SLC17A6: variants seen among roughly 807,000 people sequenced by gnomAD.
SLC17A6 encodes the protein vesicular glutamate transporter 2.
A neutral mutation model predicts 67.1 loss-of-function variants in SLC17A6; 35 were observed. The observed-to-expected ratio is 0.52, with a 90% confidence interval of 0.40 to 0.69. SLC17A6 has a LOEUF of 0.69. Among genes scored for constraint, SLC17A6 ranks in the 30% least tolerant of loss-of-function variants. The pLI, the probability that SLC17A6 is intolerant of heterozygous loss-of-function variation, is 0.00. For synonymous variants in SLC17A6, 285 were observed against 252.3 expected, an observed-to-expected ratio of 1.13 and a Z score of -1.23; for missense variants, 588 against 723.9, an observed-to-expected ratio of 0.81 and a Z score of 2.15.
In SLC17A6 at chr11:22,343,375, C is replaced by A. The variant is rs764176090; in HGVS notation, c.458+10C>A. The stretch of plus-strand genomic sequence containing the variant: ...GGCTGGCAGCCAACAGGTAATGCGC[C>A]AGGCGGGACTGGGGCTCGGGGCGTG... On this transcript the variant is annotated intron_variant, in intron 3 of 11. Transcript: ENST00000263160. 1.4e-5 allele frequency: 23 copies of A among 1,601,490 alleles called. No homozygotes were observed. In the East Asian group the frequency reaches 4.9e-4, roughly 34 times the overall value.
intron 3 of SLC17A6, among the ~76,000 whole-genome samples, chr11:22,356,311 G>T (rs2094961662): frequency 6.6e-6 from 1 of 152,104 alleles, no homozygotes; most frequent in South Asian, 2.1e-4. Context: ...GAATGGGGAG[G>T]CTGCTTCAAT....
At chr11:22,372,333 T>C (rs1335423510) in intron 8 of SLC17A6, among the ~76,000 whole-genome samples, 1 of 150,808 alleles carries the variant, frequency 6.6e-6, no homozygotes, top group African/African-American at 2.4e-5. Context: ...ACAATATATA[T>C]CAGGTAAATA....
intron 1 of SLC17A6, among the ~76,000 whole-genome samples, chr11:22,339,205 G>GTT (rs1855783562): frequency 7.6e-6 from 1 of 130,862 alleles, no homozygotes; most frequent in Non-Finnish European, 1.6e-5. Context: ...ATATATATAT[G>GTT]TTAGAGAGAG....
At chr11:22,339,528 G>T (rs1398133336) in intron 1 of SLC17A6, among the ~76,000 whole-genome samples, 1 of 151,918 alleles carries the variant, frequency 6.6e-6, no homozygotes, top group Non-Finnish European at 1.5e-5. Flanking sequence ...GCTGTAATTT[G>T]CAAAACTTTA....
intron 6 of SLC17A6, 116 bp from the exon 7 acceptor site, chr11:22,365,429 CAT>C: frequency 8.3e-7 from 1 of 1,204,618 alleles, no homozygotes; most frequent in Non-Finnish European, 1.2e-6. Context: ...GTTGGAGAAA[CAT>C]AAGCTTGAAT....
At chr11:22,357,441 T>G (rs182551272) in intron 3 of SLC17A6, among the ~76,000 whole-genome samples, 90 of 152,340 alleles carry the variant, frequency 5.9e-4, no homozygotes, top group African/African-American at 2.1e-3. Context: ...TGAAGACATT[T>G]TTGGTTGCCA....
chr11:22,341,521 C>T lies in SLC17A6; in HGVS notation c.87-7C>T. On this transcript the variant is annotated splice_polypyrimidine_tract_variant and splice_region_variant and intron_variant, in intron 1 of 11. Transcript: ENST00000263160. ...AGTCCTTGACTCGCCCCTGCTCTGC[C>T]GCGCAGGGTGCTGGAGAAGAAGCAA... 1 of 1,612,242 alleles carries T rather than the reference C, an allele frequency of 6.2e-7. No individual in the cohort carries two copies. Among genetic ancestry groups the T allele is most frequent in the Non-Finnish European group, 8.5e-7 (1 of 1,179,332 alleles).
intron 3 of SLC17A6, among the ~76,000 whole-genome samples, chr11:22,350,551 G>A (rs1237153210): frequency 1.3e-5 from 2 of 151,968 alleles, no homozygotes; most frequent in Admixed American, 1.3e-4. Context: ...TTATTTCACA[G>A]CGACTGTAAT....
chr11:22,373,049 A>C (rs1856192048), intron 8 of SLC17A6, among the ~76,000 whole-genome samples: 1 of 152,214 alleles, frequency 6.6e-6, no homozygotes, highest in South Asian at 2.1e-4. Context: ...GATTTTTAGC[A>C]CCTTGCATTT....
rs572409327 is a variant in SLC17A6 at position 22,371,337 on chromosome 11, G to A, written c.1041+1149G>A. Among the ~76,000 whole-genome samples the A allele has an allele frequency of 2.6e-5, 4 of 152,076 alleles. No homozygotes were observed. In the East Asian group the frequency reaches 7.7e-4, roughly 29 times the overall value. ...CTACTTGAAAGACTATCTGAGACCTGGGACTGAAGAAAACCTCAGTTTAGG... is the reference window on the plus strand; with the variant it reads ...CTACTTGAAAGACTATCTGAGACCTAGGACTGAAGAAAACCTCAGTTTAGG... On this transcript the variant is annotated intron_variant, in intron 8 of 11. Transcript: ENST00000263160.
Position 22,341,619 on chromosome 11 carries a change from T to C in SLC17A6, c.178T>C (p.Cys60Arg). The C allele has an allele frequency of 1.2e-6, 2 of 1,613,990 alleles. No individual in the cohort carries two copies. Among genetic ancestry groups the C allele is most frequent in the Non-Finnish European group, 8.5e-7 (1 of 1,180,022 alleles). The change falls in exon 2 of 12, where the codon TGC becomes CGC. Residue 60 changes from cysteine (C) to arginine (R), a missense_variant. By Grantham distance (180) the Cys-to-Arg change is radical (BLOSUM62 -3). This residue lies in a region of SLC17A6 where 117 missense variants were observed against 98.7 expected (regional missense o/e 1.19). Coordinates refer to ENST00000263160, the MANE Select transcript of SLC17A6 (RefSeq NM_020346.3). ...LEVPERKAPLCDCTCFGLPRR... is the reference protein window; with the variant it reads ...LEVPERKAPLRDCTCFGLPRR... The stretch of plus-strand genomic sequence containing the variant: ...GGTGCCCGAGAGGAAGGCGCCGCTG[T>C]GCGACTGCACGTGCTTCGGCCTGCC...
At chr11:22,365,364 C>G (rs897042909) in intron 6 of SLC17A6, among the ~76,000 whole-genome samples, 183 bp from the exon 7 acceptor site, 1 of 152,076 alleles carries the variant, frequency 6.6e-6, no homozygotes, top group Non-Finnish European at 1.5e-5. Context: ...ACAGGACTGG[C>G]CTTTAAGAAG....
intron 8 of SLC17A6, among the ~76,000 whole-genome samples, chr11:22,371,323 ACTAT>A (rs1856172531): frequency 6.6e-6 from 1 of 152,162 alleles, no homozygotes; most frequent in East Asian, 1.9e-4. Flanking sequence ...TACTTGAAAG[ACTAT>A]CTGAGACCTG....
intron 7 of SLC17A6, 78 bp downstream of exon 7, chr11:22,365,767 T>A (rs1428447400): frequency 3.4e-6 from 5 of 1,465,284 alleles, no homozygotes; most frequent in Non-Finnish European, 3.6e-6. Context: ...ATCTTACAAG[T>A]TCTTCCTCAG....
chr11:22,343,593 C>T (rs1160999280), intron 3 of SLC17A6, among the ~76,000 whole-genome samples: 2 of 152,178 alleles, frequency 1.3e-5, no homozygotes, highest in East Asian at 3.9e-4. Flanking sequence ...CGGCCTCCTT[C>T]CCTCTGCTGT....
rs1856247491 is a variant in SLC17A6, at chr11:22,377,696, G to T, written c.1705G>T (p.Val569Leu). The stretch of plus-strand genomic sequence containing the variant: ...GAAAGAGGAATTTGTACAAGGAGAA[G>T]TACAAGACTCACATAGCTATAAGGA... ...EKKEEFVQGE[V>L]QDSHSYKDRV... The change falls in exon 12 of 12, where the codon GTA becomes TTA. Residue 569 changes from valine (V) to leucine (L), a missense_variant. Transcript: ENST00000263160. 1 of 1,608,260 alleles carries T rather than the reference G, an allele frequency of 6.2e-7. No homozygotes were observed. The highest frequency in any genetic ancestry group is 8.5e-7 in the Non-Finnish European group (1 of 1,177,900).
chr11:22,345,133 G>C (rs775538271), intron 3 of SLC17A6, among the ~76,000 whole-genome samples: 5 of 151,176 alleles, frequency 3.3e-5, no homozygotes, highest in Admixed American at 6.6e-5. Context: ...TTCCTGCCGG[G>C]AAAAAACACC....
chr11:22,365,588 T>A lies in SLC17A6; in HGVS notation c.790T>A (p.Ser264Thr), dbSNP rs1354908472. The change falls in exon 7 of 12, where the codon TCT becomes ACT. Residue 264 changes from serine (S) to threonine (T), a missense_variant. Ser to Thr is a moderately conservative substitution (Grantham distance 58). Around this residue, in one of 4 missense-constraint regions of SLC17A6, gnomAD observed 414 missense variants for 563.4 expected, o/e 0.73. Transcript: ENST00000263160. ...MVWYMFWLLV[S>T]YESPAKHPTI... ...CTGGTACATGTTTTGGCTTTTGGTG[T>A]CTTATGAAAGTCCTGCAAAGCATCC... The A allele has an allele frequency of 1.2e-6, 2 of 1,613,946 alleles. No homozygotes were observed. The highest frequency in any genetic ancestry group is 1.7e-6 in the Non-Finnish European group (2 of 1,179,932).
chr11:22,341,698 G>C lies in SLC17A6; in HGVS notation c.257G>C (p.Gly86Ala). Reference protein sequence around the residue: ...MSGLGFCISFGIRCNLGVAIV... With the variant: ...MSGLGFCISFAIRCNLGVAIV... ...GGCCTGGGCTTCTGCATCTCCTTCGGTATCCGCTGCAACCTGGGCGTGGCC... is the reference window on the plus strand; with the variant it reads ...GGCCTGGGCTTCTGCATCTCCTTCGCTATCCGCTGCAACCTGGGCGTGGCC... The change falls in exon 2 of 12, where the codon GGT becomes GCT. Residue 86 changes from glycine to alanine, a missense_variant. Gly to Ala is a moderately conservative substitution (Grantham distance 60, BLOSUM62 0). Transcript: ENST00000263160. 6.2e-7 allele frequency: 1 copy of C among 1,614,206 alleles called. No individual in the cohort carries two copies. Among genetic ancestry groups the C allele is most frequent in the Non-Finnish European group, 8.5e-7 (1 of 1,180,034 alleles).
Sources: gnomAD v4.1 joint callset for allele counts (sites outside exome capture counted in the v4.1 genomes callset) on GRCh38, gnomAD v4.1.1 for gene constraint, gnomAD v4.1.1 regional missense constraint, MANE v1.5 for transcripts, NCBI Gene and HGNC (gene_info 2026-07-23, HGNC 2026-07-21) for gene names.